Variants in KANSL1L observed in about 807,000 individuals in gnomAD.
KANSL1L encodes the protein KAT8 regulatory NSL complex subunit 1-like protein.
A neutral mutation model predicts 108.6 loss-of-function variants in KANSL1L; 25 were observed. The ratio of observed to expected loss-of-function variants is 0.23; its 90% CI spans 0.17 to 0.32. The LOEUF is 0.32. Among genes scored for constraint, KANSL1L ranks in the 10% least tolerant of loss-of-function variants. The pLI is 1.00. For synonymous variants in KANSL1L, 405 were observed against 395.1 expected (o/e 1.03, Z -0.30); for missense variants, 1,137 against 1,125.7 (o/e 1.01, Z -0.14).
rs762171911 is a variant in KANSL1L, at chr2:210,154,564, C to G, written c.19G>C (p.Glu7Gln). 57 of 1,531,746 alleles carry G rather than the reference C, an allele frequency of 3.7e-5. 1 individual carries two copies. In the South Asian group the frequency reaches 7.5e-4, roughly 20 times the overall value. The allele number at this position is 1,531,746 out of a possible 1,614,324, so 94.9% of individuals were successfully genotyped here. The part of the protein sequence containing the change: MTPALR[E>Q]ATAKGISFSS... The stretch of plus-strand genomic sequence containing the variant: ...AAGCTGATACCCTTTGCTGTTGCCT[C>G]CCTCAGAGCTGGGGTCATGGCGATT... Residue 7 changes from glutamate (E) to glutamine (Q), a missense_variant, in exon 2 of 15, where the codon GAG (glutamate) becomes CAG (glutamine). Transcript: ENST00000281772.
intron 5 of KANSL1L, among the ~76,000 whole-genome samples, chr2:210,078,362 A>G (rs758542566): frequency 6.6e-6 from 1 of 152,210 alleles, no homozygotes; most frequent in Middle Eastern, 3.2e-3. Context: ...GGGGGCTAAC[A>G]TATTACCAGA....
At chr2:210,050,312 C>T (rs1016128368) in intron 6 of KANSL1L, among the ~76,000 whole-genome samples, 3 of 152,090 alleles carry the variant, frequency 2.0e-5, no homozygotes, top group Non-Finnish European at 4.4e-5. Flanking sequence ...TTAAACCTAA[C>T]CCTATCAAAA....
intron 3 of KANSL1L, among the ~76,000 whole-genome samples, chr2:210,115,006 A>T (rs1005905072): frequency 6.6e-5 from 10 of 152,108 alleles, no homozygotes; most frequent in Non-Finnish European, 7.4e-5. Flanking sequence ...ACTAAACATA[A>T]CAGAAGACAG....
chr2:210,120,163 G>A (rs2095000924), intron 3 of KANSL1L, among the ~76,000 whole-genome samples: 1 of 152,144 alleles, frequency 6.6e-6, no homozygotes, highest in African/African-American at 2.4e-5. Flanking sequence ...GCTCAGGCAG[G>A]TGGACTGCCT....
chr2:210,085,306 G>T (rs1260786027), intron 5 of KANSL1L, among the ~76,000 whole-genome samples: 1 of 152,094 alleles, frequency 6.6e-6, no homozygotes. Flanking sequence ...AGAATATGTG[G>T]GTTCACTTTA....
chr2:210,159,860 C>T (rs1353974886), intron 1 of KANSL1L, among the ~76,000 whole-genome samples: 1 of 151,970 alleles, frequency 6.6e-6, no homozygotes, highest in Admixed American at 6.6e-5. Flanking sequence ...AAGGTGAAAC[C>T]CCGTCTCTAC....
chr2:210,022,385 T>TTATC lies in KANSL1L; in HGVS notation c.*560_*563dup, dbSNP rs1196628182. ...TCTTTTATTAGTGGAAACCTGTGTT[T>TTATC]TATCTATTCTGCAGCTTACATTTCA... On this transcript the variant is annotated 3_prime_UTR_variant, in exon 15 of 15. Coordinates refer to ENST00000281772, the MANE Select transcript of KANSL1L (RefSeq NM_152519.4). 6.5e-6 allele frequency: 1 copy of TTATC among 152,718 alleles called. No homozygotes were observed. Among genetic ancestry groups the TTATC allele is most frequent in the African/African-American group, 2.4e-5 (1 of 41,450 alleles). 9.5% of individuals were successfully genotyped at this position (152,718 alleles called of 1,614,324 possible).
chr2:210,027,545 T>G (rs2093954610), intron 11 of KANSL1L, among the ~76,000 whole-genome samples, 195 bp from the exon 12 acceptor site: 2 of 152,334 alleles, frequency 1.3e-5, no homozygotes, highest in South Asian at 4.1e-4. Flanking sequence ...GAGACTTTAT[T>G]TTTGGCCTTA....
chr2:210,172,184 A>G (rs1688375510), upstream of KANSL1L, among the ~76,000 whole-genome samples: 1 of 152,098 alleles, frequency 6.6e-6, no homozygotes, highest in African/African-American at 2.4e-5. Context: ...GCTCACCACA[A>G]AACAAACCTG....
intron 11 of KANSL1L, among the ~76,000 whole-genome samples, chr2:210,028,196 T>C (rs912490137): frequency 1.3e-5 from 2 of 152,182 alleles, no homozygotes; most frequent in South Asian, 4.1e-4. Context: ...CCATTATCAA[T>C]CTGGACCTAA....
intron 1 of KANSL1L, among the ~76,000 whole-genome samples, chr2:210,160,246 G>C (rs1043354433): frequency 1.3e-5 from 2 of 152,096 alleles, no homozygotes; most frequent in African/African-American, 4.8e-5. Flanking sequence ...AATGGTGAAA[G>C]ACTGAATGTT....
chr2:210,110,572 A>C (rs2094894006), intron 3 of KANSL1L, among the ~76,000 whole-genome samples: 1 of 152,226 alleles, frequency 6.6e-6, no homozygotes, highest in Non-Finnish European at 1.5e-5. Context: ...AATATGGTCA[A>C]AGACAGAATT....
chr2:210,061,262 T>C (rs867902954), intron 6 of KANSL1L, among the ~76,000 whole-genome samples: 2 of 152,198 alleles, frequency 1.3e-5, no homozygotes, highest in African/African-American at 4.8e-5. Context: ...CCCGCTTCTA[T>C]AGAAAGTGTA....
At chr2:210,120,709 A>C (rs914851370) in intron 3 of KANSL1L, among the ~76,000 whole-genome samples, 4 of 152,216 alleles carry the variant, frequency 2.6e-5, no homozygotes, top group African/African-American at 9.6e-5. Context: ...GTAAACAGAC[A>C]ATCTAAAGAA....
At chr2:210,031,112 G>A in intron 9 of KANSL1L, 1 of 216,676 alleles carries the variant, frequency 4.6e-6, no homozygotes, top group Non-Finnish European at 9.1e-6. Flanking sequence ...AGGCAACTTT[G>A]CACTAGCCTA....
intron 3 of KANSL1L, among the ~76,000 whole-genome samples, chr2:210,122,087 T>C (rs1204832757): frequency 6.6e-6 from 1 of 152,156 alleles, no homozygotes; most frequent in Non-Finnish European, 1.5e-5. Flanking sequence ...AGAATTAATA[T>C]TGTTAAAATA....
At chr2:210,066,425 G>A (rs777266946) in intron 6 of KANSL1L, among the ~76,000 whole-genome samples, 7 of 152,314 alleles carry the variant, frequency 4.6e-5, no homozygotes, top group South Asian at 2.1e-4. Flanking sequence ...CCAAAACAAC[G>A]GGGATAGGCT....
chr2:210,032,821 AAAG>A (rs1453370995), intron 8 of KANSL1L: 1 of 152,232 alleles, frequency 6.6e-6, no homozygotes, highest in Non-Finnish European at 1.5e-5. Flanking sequence ...CACAATCAAA[AAAG>A]AGGTACAAAC....
At chr2:210,131,034 A>AT (rs2095115389) in intron 2 of KANSL1L, among the ~76,000 whole-genome samples, 1 of 152,192 alleles carries the variant, frequency 6.6e-6, no homozygotes, top group African/African-American at 2.4e-5. Flanking sequence ...TGTTGGAGCC[A>AT]TTTGACTAGT....
Sources: allele counts gnomAD v4.1 joint callset (sites outside exome capture counted in the v4.1 genomes callset), GRCh38; gene constraint gnomAD v4.1.1; transcripts MANE v1.5; gene names NCBI Gene and HGNC (gene_info 2026-07-23, HGNC 2026-07-21).